Variants in EGFLAM observed in about 807,000 individuals in gnomAD.
The protein encoded by EGFLAM is EGF like, fibronectin type III and laminin G domains.
In EGFLAM, 79 loss-of-function variants were observed where a neutral mutation model predicts 113.1. The ratio of observed to expected loss-of-function variants is 0.70; its 90% CI spans 0.58 to 0.84. EGFLAM has a LOEUF of 0.84. EGFLAM is among the 40% of genes least tolerant of loss of function. EGFLAM has a pLI of 0.00. For missense variants in EGFLAM, 1,265 were observed against 1,291.6 expected (o/e 0.98, Z 0.32); for synonymous variants, 504 against 487.6 (o/e 1.03, Z -0.44).
At chr5:38,311,586 T>C (rs191217010) in intron 1 of EGFLAM, among the ~76,000 whole-genome samples, 86 of 152,368 alleles carry the variant, frequency 5.6e-4, no homozygotes, top group Admixed American at 3.9e-3. Context: ...TGTTCGTCCA[T>C]TGATGGACAA....
intron 19 of EGFLAM, among the ~76,000 whole-genome samples, chr5:38,452,668 C>T (rs1742960161): frequency 6.6e-6 from 1 of 152,226 alleles, no homozygotes; most frequent in South Asian, 2.1e-4. Flanking sequence ...AGCTGTGTAG[C>T]TGTGGGAAGG....
chr5:38,362,959 T>C (rs76317428), intron 5 of EGFLAM, among the ~76,000 whole-genome samples: 2,009 of 152,330 alleles, frequency 0.013, 47 homozygotes, highest in African/African-American at 0.046. Context: ...TTGTAAACTG[T>C]AAATGAAGTG....
chr5:38,457,944 T>TG (rs1267166954), intron 19 of EGFLAM, among the ~76,000 whole-genome samples: 1 of 146,792 alleles, frequency 6.8e-6, no homozygotes, highest in Non-Finnish European at 1.5e-5. Flanking sequence ...TGTCAGGGGC[T>TG]GGGGGGAGGG....
rs191512360 is a variant in EGFLAM at position 38,458,634 on chromosome 5, C to G, written c.2771+240C>G. ...AAGCAGTAACCTTCTGGAGAAGAAA[C>G]CTTTTGATGGCTGATCTGGAAGAAC... is the stretch of plus-strand genomic sequence containing the variant. On this transcript the variant is annotated intron_variant, in intron 20 of 21. Transcript: ENST00000322350. Among the ~76,000 whole-genome samples, 4 of 152,254 alleles carry G rather than the reference C, an allele frequency of 2.6e-5. No homozygotes were observed. In the East Asian group the frequency reaches 5.8e-4, roughly 22 times the overall value.
intron 18 of EGFLAM, 152 bp from the exon 19 acceptor site, chr5:38,451,163 C>T: frequency 9.8e-7 from 1 of 1,018,862 alleles, no homozygotes; most frequent in Non-Finnish European, 1.5e-6. Flanking sequence ...GACCTTTAGA[C>T]CCGTGGTGCG....
chr5:38,287,465 G>A (rs899774515), intron 1 of EGFLAM, among the ~76,000 whole-genome samples: 3 of 152,114 alleles, frequency 2.0e-5, no homozygotes, highest in Non-Finnish European at 4.4e-5. Flanking sequence ...TCTGCCTCCT[G>A]GACTCAAGCA....
At chr5:38,369,031 GCCA>G (rs1370624675) in intron 5 of EGFLAM, among the ~76,000 whole-genome samples, 4 of 152,126 alleles carry the variant, frequency 2.6e-5, no homozygotes, top group Admixed American at 6.5e-5. Flanking sequence ...CTGTCTGCAG[GCCA>G]TGCACAATTA....
At chr5:38,354,660 G>C (rs1739719004) in intron 5 of EGFLAM, among the ~76,000 whole-genome samples, 1 of 152,010 alleles carries the variant, frequency 6.6e-6, no homozygotes, top group African/African-American at 2.4e-5. Flanking sequence ...AACCTGGGAG[G>C]CAGAGGTTGC....
intron 1 of EGFLAM, among the ~76,000 whole-genome samples, chr5:38,333,251 G>T (rs2111931789): frequency 6.6e-6 from 1 of 152,254 alleles, no homozygotes; most frequent in African/African-American, 2.4e-5. Context: ...CAACAGTGCT[G>T]CAATGAACAT....
At chr5:38,345,563 C>T (rs1033191973) in intron 3 of EGFLAM, 1 of 152,160 alleles carries the variant, frequency 6.6e-6, no homozygotes, top group African/African-American at 2.4e-5. Context: ...TATTTTGCAG[C>T]AAAGCACTCA....
intron 12 of EGFLAM, among the ~76,000 whole-genome samples, chr5:38,422,635 G>A (rs1271158143): frequency 6.6e-6 from 1 of 152,098 alleles, no homozygotes; most frequent in African/African-American, 2.4e-5. Context: ...CCTTTATAAA[G>A]CATATTAAGA....
intron 18 of EGFLAM, 142 bp from the exon 19 acceptor site, chr5:38,451,173 G>A (rs1292672145): frequency 3.7e-5 from 41 of 1,122,802 alleles, no homozygotes; most frequent in South Asian, 1.5e-4. Flanking sequence ...CCCGTGGTGC[G>A]ACTCGTGGTA....
At position 38,266,369 on chromosome 5, in the gene EGFLAM, C is replaced by A. The variant is rs537002233; in HGVS notation, c.97+7518C>A. ...TCTGTAAAAATAGGATAAAGAAAGA[C>A]CCTACCATAAAATGTTCCAGGGAAG... On this transcript the variant is annotated intron_variant, in intron 1 of 21. Coordinates refer to ENST00000322350, the MANE Select transcript of EGFLAM (RefSeq NM_152403.4). 2.9e-4 allele frequency among the ~76,000 whole-genome samples: 44 copies of A among 152,278 alleles called. No homozygotes were observed. The South Asian group carries it at 4.8e-3, about 16-fold the overall frequency.
In EGFLAM at chr5:38,427,132, C is replaced by T. The variant is rs1177311471; in HGVS notation, c.1934C>T (p.Ser645Leu). 6.2e-7 allele frequency: 1 copy of T among 1,614,126 alleles called. No homozygotes were observed. Among genetic ancestry groups the T allele is most frequent in the Non-Finnish European group, 8.5e-7 (1 of 1,180,016 alleles). The change falls in exon 14 of 22, where the codon TCA becomes TTA. Residue 645 changes from serine (S) to leucine (L), a missense_variant. Ser to Leu is a moderately radical substitution (Grantham distance 145). Coordinates refer to ENST00000322350, the MANE Select transcript of EGFLAM (RefSeq NM_152403.4). ...TTTGAGATCACATTTCGGCCAGACTCAGGAGATGGTGTCCTCCTGTACAGC... is the reference window on the plus strand; with the variant it reads ...TTTGAGATCACATTTCGGCCAGACTTAGGAGATGGTGTCCTCCTGTACAGC... ...MEFEITFRPD[S>L]GDGVLLYSYD...
chr5:38,326,632 A>G (rs901835876), intron 1 of EGFLAM, among the ~76,000 whole-genome samples: 1 of 150,388 alleles, frequency 6.6e-6, no homozygotes, highest in African/African-American at 2.5e-5. Flanking sequence ...ATCTGGGACT[A>G]CAGGCACCTG....
chr5:38,276,895 G>A (rs1049491124), intron 1 of EGFLAM, among the ~76,000 whole-genome samples: 1 of 152,126 alleles, frequency 6.6e-6, no homozygotes, highest in Non-Finnish European at 1.5e-5. Context: ...TACCAATAAT[G>A]AGTAAGGAGA....
intron 1 of EGFLAM, among the ~76,000 whole-genome samples, chr5:38,326,849 C>T (rs1207618541): frequency 7.0e-5 from 10 of 143,498 alleles, no homozygotes; most frequent in Admixed American, 5.0e-4. Context: ...CCCAGGCTGG[C>T]GTTCAATGGC....
At chr5:38,458,853 C>T (rs1029349824) in intron 20 of EGFLAM, among the ~76,000 whole-genome samples, 9 of 152,020 alleles carry the variant, frequency 5.9e-5, no homozygotes, top group Middle Eastern at 3.4e-3. Flanking sequence ...TGGTGGCACA[C>T]GCCTGTAATC....
At chr5:38,437,852 G>A (rs528808583) in intron 16 of EGFLAM, among the ~76,000 whole-genome samples, 10 of 152,150 alleles carry the variant, frequency 6.6e-5, no homozygotes, top group African/African-American at 9.6e-5. Context: ...GGCCTGGCGC[G>A]GTGGCTCACG....
Sources: gnomAD v4.1 joint callset for allele counts (sites outside exome capture counted in the v4.1 genomes callset) on GRCh38, gnomAD v4.1.1 for gene constraint, MANE v1.5 for transcripts, NCBI Gene and HGNC (gene_info 2026-07-23, HGNC 2026-07-21) for gene names.